MYH9: variants seen among roughly 807,000 people sequenced by gnomAD.
The protein encoded by MYH9 is myosin heavy chain 9.
A neutral mutation model predicts 241.9 loss-of-function variants in MYH9; 29 were observed. The ratio of observed to expected loss-of-function variants is 0.12; its 90% CI spans 0.09 to 0.16. The LOEUF (loss-of-function observed/expected upper bound fraction) is 0.16, where lower values mean the gene tolerates loss of function less well. MYH9 is among the 10% of genes least tolerant of loss of function. The probability of loss-of-function intolerance (pLI) is 1.00; values close to 1 mark genes in which losing one functional copy is unlikely to be tolerated. For missense variants in MYH9, 1,803 were observed against 2,595.5 expected, an observed-to-expected ratio of 0.69 and a Z score of 6.63; for synonymous variants, 1,047 against 1,062.6, an observed-to-expected ratio of 0.99 and a Z score of 0.29.
chr22:36,348,508 C>CAA (rs11367901), intron 2 of MYH9, among the ~76,000 whole-genome samples: 1 of 132,986 alleles, frequency 7.5e-6, no homozygotes, highest in Admixed American at 7.5e-5. Context: ...GACTCCGTCT[C>CAA]AAAAAAAAAA....
chr22:36,315,874 C>CA (rs953819373), intron 12 of MYH9, among the ~76,000 whole-genome samples: 1 of 145,712 alleles, frequency 6.9e-6, no homozygotes, highest in African/African-American at 2.5e-5. Flanking sequence ...CCCATCTCTA[C>CA]AAAAAATTTA....
In MYH9 at chr22:36,300,358, G is replaced by C. The variant is rs1193695078; in HGVS notation, c.2839-94C>G. ...TCCGAAGGCCAGATCCAAACGCCAA[G>C]GAGAAAATAGCAAGGTCTGTGAGCC... On this transcript the variant is annotated intron_variant, in intron 22 of 40. Coordinates refer to ENST00000216181, the MANE Select transcript of MYH9 (RefSeq NM_002473.6). The surrounding 1 kb of genome is among the most constrained non-coding windows in gnomAD (Gnocchi z 5.0). The C allele has an allele frequency of 1.3e-6, 2 of 1,560,042 alleles. No homozygotes were observed. The highest frequency in any genetic ancestry group is 1.7e-6 in the Non-Finnish European group (2 of 1,144,726).
At chr22:36,283,535 C>T (rs2016526973) in intron 40 of MYH9, among the ~76,000 whole-genome samples, 1 of 141,602 alleles carries the variant, frequency 7.1e-6, no homozygotes, top group Admixed American at 7.2e-5. Flanking sequence ...GAAACTCCGT[C>T]TCAAAAAAAA....
chr22:36,357,913 G>A (rs1379056129), intron 1 of MYH9, among the ~76,000 whole-genome samples: 1 of 152,184 alleles, frequency 6.6e-6, no homozygotes, highest in Non-Finnish European at 1.5e-5. Flanking sequence ...AGAGACTGAT[G>A]TGCCTCCCCA....
chr22:36,348,865 C>G, intron 2 of MYH9, 39 bp downstream of exon 2: 2 of 1,362,614 alleles, frequency 1.5e-6, no homozygotes, highest in Non-Finnish European at 2.0e-6. Context: ...CCTCGGAGCC[C>G]TCAGACCCAG....
chr22:36,365,431 G>A (rs2017996316), intron 1 of MYH9, among the ~76,000 whole-genome samples: 1 of 151,924 alleles, frequency 6.6e-6, no homozygotes. Context: ...CTCATCCTTG[G>A]GGCCCCAACA....
chr22:36,355,848 C>T (rs538250153), intron 1 of MYH9, among the ~76,000 whole-genome samples: 1 of 152,178 alleles, frequency 6.6e-6, no homozygotes, highest in African/African-American at 2.4e-5. Context: ...GAGAACCCCC[C>T]CTTTATTAAT....
intron 13 of MYH9, among the ~76,000 whole-genome samples, chr22:36,313,551 C>T (rs1353098263): frequency 1.3e-5 from 2 of 151,690 alleles, no homozygotes; most frequent in Non-Finnish European, 2.9e-5. Context: ...CACAAACAGG[C>T]GACCCAACCT....
At position 36,292,124 on chromosome 22, in the gene MYH9, C is replaced by T. The variant is rs749081303; in HGVS notation, c.4206G>A (p.Glu1402=). 6.2e-7 allele frequency: 1 copy of T among 1,614,216 alleles called. No individual in the cohort carries two copies. The highest frequency in any genetic ancestry group is 2.2e-5 in the East Asian group (1 of 44,888). The change falls in exon 31 of 41, where the codon GAG becomes GAA. Residue 1402 remains glutamate (E), a synonymous_variant. Coordinates refer to ENST00000216181, the MANE Select transcript of MYH9 (RefSeq NM_002473.6). ...GCTTGTCGTAGGCGGCCACCTTCTC[C>T]TCGTGCCGCTGGCTCAGGCCCTCCA... ...KDLEGLSQRH[E]EKVAAYDKLE... is the part of the protein sequence containing the mutation.
intron 19 of MYH9, 60 bp from the exon 20 acceptor site, chr22:36,302,736 C>T: frequency 6.9e-7 from 1 of 1,450,382 alleles, no homozygotes; most frequent in Non-Finnish European, 9.6e-7. Flanking sequence ...ACCTAACAGT[C>T]CTGGTCTTGT....
chr22:36,374,132 T>C (rs1198517755), intron 1 of MYH9, among the ~76,000 whole-genome samples: 2 of 151,984 alleles, frequency 1.3e-5, no homozygotes, highest in East Asian at 3.9e-4. Flanking sequence ...CCTGTAATTC[T>C]AGCACTTTGG....
At chr22:36,326,385 G>C (rs919336840) in intron 5 of MYH9, among the ~76,000 whole-genome samples, 183 bp downstream of exon 5, 6 of 152,218 alleles carry the variant, frequency 3.9e-5, no homozygotes, top group Admixed American at 6.5e-5. Flanking sequence ...GAATGGGCTT[G>C]CTACCGCTGG....
Position 36,306,715 on chromosome 22 carries a change from C to G in MYH9, c.1844-108G>C. On this transcript the variant is annotated intron_variant, in intron 15 of 40. Transcript: ENST00000216181. This position sits in a 1 kb window ranked among gnomAD's most constrained non-coding sequence, Gnocchi z 4.1. ...ACACGTCGGACAGGAAAAGAGGAGA[C>G]AGAATGAAACAACAGGACCCTTTCC... The G allele has an allele frequency of 9.0e-7, 1 of 1,111,306 alleles. No homozygotes were observed. Among genetic ancestry groups the G allele is most frequent in the Non-Finnish European group, 1.3e-6 (1 of 759,792 alleles). The allele number at this position is 1,111,306 out of a possible 1,614,324, so 68.8% of individuals were successfully genotyped here. A position where few individuals can be genotyped will look rare whatever the true frequency, so the allele number is the denominator to read the frequency against.
intron 1 of MYH9, among the ~76,000 whole-genome samples, chr22:36,382,497 T>A (rs2018274902): frequency 7.1e-6 from 1 of 141,456 alleles, no homozygotes; most frequent in African/African-American, 2.7e-5. Flanking sequence ...AAAGAGTGCC[T>A]AGGAAATTAA....
intron 15 of MYH9, among the ~76,000 whole-genome samples, chr22:36,307,608 CT>C (rs1395777396): frequency 6.6e-6 from 1 of 152,220 alleles, no homozygotes; most frequent in African/African-American, 2.4e-5. Context: ...TGGGAGGTGG[CT>C]GGGCATGGTG....
chr22:36,350,480 T>G (rs551381682), intron 1 of MYH9, among the ~76,000 whole-genome samples: 1 of 152,322 alleles, frequency 6.6e-6, no homozygotes, highest in South Asian at 2.1e-4. Flanking sequence ...GGGGTTGTGG[T>G]GAGCCGAGAT....
At position 36,300,085 on chromosome 22, in the gene MYH9, G is replaced by A. The variant is rs371006826; in HGVS notation, c.2976+42C>T. The A allele has an allele frequency of 1.2e-5, 20 of 1,604,396 alleles. No homozygotes were observed. The highest frequency in any genetic ancestry group is 1.7e-5 in the Admixed American group (1 of 60,006). On this transcript the variant is annotated intron_variant, in intron 23 of 40. Transcript: ENST00000216181. The surrounding 1 kb of genome is among the most constrained non-coding windows in gnomAD (Gnocchi z 5.0). Reference sequence around the variant, plus strand: ...AGGGTGACCACACTCTCCCATCCACGGCGCCCCTGGAGCAGCGGCAGGCGA... The same window carrying A: ...AGGGTGACCACACTCTCCCATCCACAGCGCCCCTGGAGCAGCGGCAGGCGA...
intron 1 of MYH9, among the ~76,000 whole-genome samples, chr22:36,366,609 C>T (rs917473805): frequency 4.6e-5 from 7 of 152,132 alleles, no homozygotes; most frequent in African/African-American, 1.4e-4. Context: ...ACATCCCTGC[C>T]GATGTGCAGG....
chr22:36,298,517 T>C (rs974115450), intron 24 of MYH9, among the ~76,000 whole-genome samples: 2 of 152,194 alleles, frequency 1.3e-5, no homozygotes, highest in African/African-American at 2.4e-5. Context: ...CTAAAGCTCA[T>C]GGAGCTTAAG....
Sources: allele counts gnomAD v4.1 joint callset (sites outside exome capture counted in the v4.1 genomes callset), GRCh38; gene constraint gnomAD v4.1.1; non-coding constraint Gnocchi (gnomAD v3.1); transcripts MANE v1.5; gene names NCBI Gene and HGNC (gene_info 2026-07-23, HGNC 2026-07-21).